The following MCTP2 variants were observed in gnomAD, a reference collection of about 807,000 sequenced individuals.
The protein encoded by MCTP2 is multiple C2 and transmembrane domain containing 2, also known as multiple C2 and transmembrane domain-containing protein 2.
MCTP2 carries 132 observed loss-of-function variants against 111.6 expected under a neutral mutation model. That is an observed-to-expected ratio of 1.18 (90% CI 1.03 to 1.37). MCTP2 has a LOEUF of 1.37. Ranked by LOEUF, MCTP2 falls within the 40% of genes most tolerant of loss-of-function variation. The pLI is 0.00. For missense variants in MCTP2, 1,183 were observed against 1,067.9 expected, an observed-to-expected ratio of 1.11 and a Z score of -1.50; for synonymous variants, 395 against 387.7, an observed-to-expected ratio of 1.02 and a Z score of -0.22.
intron 1 of MCTP2, among the ~76,000 whole-genome samples, chr15:94,243,585 A>G (rs1468998057): frequency 1.3e-5 from 2 of 150,034 alleles, no homozygotes; most frequent in African/African-American, 2.4e-5. Flanking sequence ...ACGTATGCGT[A>G]TATTTGTATA....
chr15:94,242,585 C>T (rs2071055016), intron 1 of MCTP2, among the ~76,000 whole-genome samples: 1 of 151,868 alleles, frequency 6.6e-6, no homozygotes, highest in Non-Finnish European at 1.5e-5. Context: ...TTAAAAGAAA[C>T]AAGAGGCACA....
chr15:94,461,599 G>A (rs981909475), intron 20 of MCTP2, among the ~76,000 whole-genome samples: 1 of 152,156 alleles, frequency 6.6e-6, no homozygotes, highest in African/African-American at 2.4e-5. Context: ...AGTGGCTAGG[G>A]AAATCTCCAC....
At chr15:94,380,278 C>G (rs748199470) in intron 12 of MCTP2, among the ~76,000 whole-genome samples, 11 of 152,016 alleles carry the variant, frequency 7.2e-5, no homozygotes, top group African/African-American at 1.2e-4. Context: ...CAGCAATATA[C>G]AATTGGAGAT....
At chr15:94,264,956 A>G (rs1047884477) in intron 1 of MCTP2, among the ~76,000 whole-genome samples, 2 of 152,190 alleles carry the variant, frequency 1.3e-5, no homozygotes, top group African/African-American at 4.8e-5. Context: ...TCTTTTAAAT[A>G]AAGGATTTTT....
At position 94,482,906 on chromosome 15, in the gene MCTP2, G is replaced by A. The variant is rs1459446381; in HGVS notation, c.*3872G>A. 1 of 152,190 alleles carries A rather than the reference G, an allele frequency of 6.6e-6. No homozygotes were observed. Among genetic ancestry groups the A allele is most frequent in the Non-Finnish European group, 1.5e-5 (1 of 68,044 alleles). The allele number at this position is 152,190 out of a possible 1,614,324, so 9.4% of individuals were successfully genotyped here. On this transcript the variant is annotated 3_prime_UTR_variant, in exon 23 of 23. Transcript: ENST00000357742. The stretch of plus-strand genomic sequence containing the variant: ...ATGCCGCTGAGATCACATAAGTACA[G>A]AATCATGACCTTAATGGTTTGACAG...
At chr15:94,392,418 A>G (rs1038865577) in intron 14 of MCTP2, among the ~76,000 whole-genome samples, 3 of 151,930 alleles carry the variant, frequency 2.0e-5, no homozygotes, top group African/African-American at 7.3e-5. Context: ...ATGAACCTTT[A>G]AGGGGATAAC....
Position 94,478,995 on chromosome 15 carries a change from C to T in MCTP2, c.2598C>T (p.Ser866=). The change falls in exon 23 of 23, where the codon AGC becomes AGT. Residue 866 remains serine, a synonymous_variant. Coordinates refer to ENST00000357742, the MANE Select transcript of MCTP2 (RefSeq NM_001385001.1). ...AGTATGCAGAATTGAAACTCTGCAG[C>T]AGCCACAGCCCCCTGCGGAAGAAGC... The part of the protein sequence containing the change: ...KVQYAELKLC[S]SHSPLRKKRS... 1 of 1,614,116 alleles carries T rather than the reference C, an allele frequency of 6.2e-7. No individual in the cohort carries two copies. Among genetic ancestry groups the T allele is most frequent in the Non-Finnish European group, 8.5e-7 (1 of 1,180,020 alleles).
chr15:94,267,872 T>TTTTTTTTA (rs1464479291), intron 1 of MCTP2, among the ~76,000 whole-genome samples: 1 of 108,546 alleles, frequency 9.2e-6, no homozygotes, highest in Non-Finnish European at 1.9e-5. Flanking sequence ...TTTCTTTCTT[T>TTTTTTTTA]TTTTTTTTTT....
chr15:94,353,339 C>T (rs1313917075), intron 8 of MCTP2, among the ~76,000 whole-genome samples: 2 of 152,168 alleles, frequency 1.3e-5, no homozygotes, highest in Non-Finnish European at 2.9e-5. Context: ...TCAGCCTTGC[C>T]CTCCCATGCT....
intron 2 of MCTP2, among the ~76,000 whole-genome samples, chr15:94,310,926 A>G (rs1448444204): frequency 6.6e-6 from 1 of 151,714 alleles, no homozygotes; most frequent in Non-Finnish European, 1.5e-5. Flanking sequence ...TGGGTGACAG[A>G]GGGAGACCTT....
intron 17 of MCTP2, among the ~76,000 whole-genome samples, chr15:94,428,885 C>T (rs1390373185): frequency 6.6e-6 from 1 of 152,106 alleles, no homozygotes; most frequent in Non-Finnish European, 1.5e-5. Context: ...GCCTTCTCTA[C>T]TTTCATTAGA....
chr15:94,416,005 T>A (rs1229209498), intron 17 of MCTP2, among the ~76,000 whole-genome samples: 1 of 152,130 alleles, frequency 6.6e-6, no homozygotes, highest in East Asian at 1.9e-4. Flanking sequence ...AATGAACTCC[T>A]TAAATTCATA....
intron 20 of MCTP2, among the ~76,000 whole-genome samples, chr15:94,462,453 G>T (rs1349043438): frequency 6.6e-6 from 1 of 152,186 alleles, no homozygotes; most frequent in African/African-American, 2.4e-5. Flanking sequence ...CTTGTTTTGA[G>T]ATGGGAAAGC....
chr15:94,249,815 G>A, intron 1 of MCTP2, among the ~76,000 whole-genome samples: 1 of 152,002 alleles, frequency 6.6e-6, no homozygotes, highest in Non-Finnish European at 1.5e-5. Flanking sequence ...AGCTCTTCAG[G>A]TAGCTGTCAT....
intron 8 of MCTP2, among the ~76,000 whole-genome samples, chr15:94,347,391 C>T (rs2078041540): frequency 6.6e-6 from 1 of 152,086 alleles, no homozygotes; most frequent in South Asian, 2.1e-4. Context: ...GAATGTATTA[C>T]CTAAAAATAT....
chr15:94,366,020 AT>A (rs1170768583), intron 10 of MCTP2, among the ~76,000 whole-genome samples: 4 of 152,214 alleles, frequency 2.6e-5, no homozygotes, highest in African/African-American at 9.6e-5. Flanking sequence ...TTGCTCAAGA[AT>A]TTGTGGGGAC....
chr15:94,433,527 A>G (rs2083301479), intron 17 of MCTP2, among the ~76,000 whole-genome samples: 2 of 152,132 alleles, frequency 1.3e-5, no homozygotes, highest in African/African-American at 4.8e-5. Flanking sequence ...TTTTGTTGAC[A>G]TTTGGGCCAT....
chr15:94,314,456 CA>C, intron 3 of MCTP2, 112 bp downstream of exon 3: 4 of 721,038 alleles, frequency 5.5e-6, no homozygotes, highest in Non-Finnish European at 9.1e-6. Context: ...AAAAAAATGC[CA>C]AACCGTATCC....
rs138371973 is a variant in MCTP2, at chr15:94,386,588, C to T, written c.1788+1063C>T. Among the ~76,000 whole-genome samples, 1,030 of 152,318 alleles carry T rather than the reference C, an allele frequency of 6.8e-3. 5 individuals carry two copies. The highest frequency in any genetic ancestry group is 0.013 in the East Asian group (66 of 5,170). ...GCTCCTGCCACATGCTCTGAGCCATCGGCACCAGCCGAGCAGCTCTCAGAG... is the reference window on the plus strand; with the variant it reads ...GCTCCTGCCACATGCTCTGAGCCATTGGCACCAGCCGAGCAGCTCTCAGAG... On this transcript the variant is annotated intron_variant, in intron 14 of 22. Coordinates refer to ENST00000357742, the MANE Select transcript of MCTP2 (RefSeq NM_001385001.1).
Sources: allele counts gnomAD v4.1 joint callset (sites outside exome capture counted in the v4.1 genomes callset), GRCh38; gene constraint gnomAD v4.1.1; transcripts MANE v1.5; gene names NCBI Gene and HGNC (gene_info 2026-07-23, HGNC 2026-07-21).